Variants in TRMT1 observed in about 807,000 individuals in gnomAD.
TRMT1 encodes tRNA methyltransferase 1.
Under a neutral mutation model 75.4 loss-of-function variants are expected in TRMT1, and 63 were observed. The observed-to-expected ratio is 0.84, with a 90% confidence interval of 0.68 to 1.03. The LOEUF is 1.03. Among genes scored for constraint, TRMT1 ranks in the 50% least tolerant of loss-of-function variants. The probability of loss-of-function intolerance (pLI) is 0.00; values close to 1 mark genes in which losing one functional copy is unlikely to be tolerated. For missense variants in TRMT1, 870 were observed against 905.3 expected, an observed-to-expected ratio of 0.96 and a Z score of 0.50; for synonymous variants, 382 against 358.1, an observed-to-expected ratio of 1.07 and a Z score of -0.75.
chr19:13,111,703 T>C (rs2019148499), intron 7 of TRMT1, among the ~76,000 whole-genome samples: 1 of 147,804 alleles, frequency 6.8e-6, no homozygotes, highest in Non-Finnish European at 1.5e-5. Flanking sequence ...CGGCCTATTT[T>C]TTTTTCTTTT....
chr19:13,105,442 C>G lies in TRMT1; in HGVS notation c.1703+45G>C, dbSNP rs774154413. On this transcript the variant is annotated intron_variant, in intron 15 of 16. Coordinates refer to ENST00000357720, the MANE Select transcript of TRMT1 (RefSeq NM_001136035.4). ...GTGGGACCCCATCTGCCCTTTACCCCTTCTTTCCCTGGCTGAGCCCCACCC... is the reference window on the plus strand; with the variant it reads ...GTGGGACCCCATCTGCCCTTTACCCGTTCTTTCCCTGGCTGAGCCCCACCC... 3 of 1,613,910 alleles carry G rather than the reference C, an allele frequency of 1.9e-6. No homozygotes were observed. In the Admixed American group the frequency reaches 5.0e-5, roughly 27 times the overall value.
In TRMT1 at chr19:13,104,975, G is replaced by T; in HGVS notation, c.1940C>A (p.Pro647His). ...PDCPETSNQT[P>H]PGPGAAAGPG... ...CCCAGCGGCAGCCCCAGGTCCAGGGGGGGTCTGGTTGGAGGTCTCTGGACA... is the reference window on the plus strand; with the variant it reads ...CCCAGCGGCAGCCCCAGGTCCAGGGTGGGTCTGGTTGGAGGTCTCTGGACA... The change falls in exon 17 of 17, where the codon CCC becomes CAC. Residue 647 changes from proline (P) to histidine (H), a missense_variant. By Grantham distance (77) the Pro-to-His change is moderately conservative (BLOSUM62 -2). Coordinates refer to ENST00000357720, the MANE Select transcript of TRMT1 (RefSeq NM_001136035.4). 1.2e-6 allele frequency: 2 copies of T among 1,613,922 alleles called. No individual in the cohort carries two copies. Among genetic ancestry groups the T allele is most frequent in the Non-Finnish European group, 1.7e-6 (2 of 1,179,990 alleles).
chr19:13,107,585 A>G lies in TRMT1; in HGVS notation c.1572T>C (p.Ser524=). The change falls in exon 14 of 17, where the codon AGT becomes AGC. Residue 524 remains serine (S), a synonymous_variant. Transcript: ENST00000357720. ...GTGCTTGCCCCTACCTGGGCTCCACACTGAGAATGCGGAACGCTGGGCTAG... is the reference window on the plus strand; with the variant it reads ...GTGCTTGCCCCTACCTGGGCTCCACGCTGAGAATGCGGAACGCTGGGCTAG... ...SETSPAFRIL[S]VEPRLQANFT... 6.2e-7 allele frequency: 1 copy of G among 1,604,990 alleles called. No homozygotes were observed. Among genetic ancestry groups the G allele is most frequent in the Admixed American group, 1.7e-5 (1 of 59,358 alleles).
Position 13,109,813 on chromosome 19 carries a change from G to C in TRMT1, c.1132C>G (p.Pro378Ala). ...GRAKFSAACG[P>A]PVTPECEHCG... Reference sequence around the variant, plus strand: ...TGTTCACACTCGGGGGTCACAGGGGGACCACAGGCTGCAGAGAACTTGGCC... The same window carrying C: ...TGTTCACACTCGGGGGTCACAGGGGCACCACAGGCTGCAGAGAACTTGGCC... The change falls in exon 10 of 17, where the codon CCC becomes GCC. Residue 378 changes from proline to alanine, a missense_variant. Physicochemically the swap from Pro to Ala is conservative, Grantham distance 27. Coordinates refer to ENST00000357720, the MANE Select transcript of TRMT1 (RefSeq NM_001136035.4). 2 of 1,614,140 alleles carry C rather than the reference G, an allele frequency of 1.2e-6. No individual in the cohort carries two copies. Among genetic ancestry groups the C allele is most frequent in the Non-Finnish European group, 1.7e-6 (2 of 1,180,034 alleles).
rs752674785 is a variant in TRMT1 at position 13,105,084 on chromosome 19, G to A, written c.1834-3C>T. The A allele has an allele frequency of 6.3e-7, 1 of 1,580,322 alleles. No homozygotes were observed. Among genetic ancestry groups the A allele is most frequent in the African/African-American group, 1.3e-5 (1 of 74,384 alleles). ...TGGTCCCCGCGTTGACAGGTGCCCT[G>A]GTGGGAAGATGGTGGGTGTGAACCC... On this transcript the variant is annotated splice_polypyrimidine_tract_variant and splice_region_variant and intron_variant, in intron 16 of 16. Transcript: ENST00000357720.
At chr19:13,106,845 C>T (rs908775192) in intron 14 of TRMT1, among the ~76,000 whole-genome samples, 3 of 145,698 alleles carry the variant, frequency 2.1e-5, no homozygotes, top group Non-Finnish European at 3.0e-5. Flanking sequence ...TTATTTGAGA[C>T]GGAGTCTTAC....
intron 7 of TRMT1, 84 bp from the exon 8 acceptor site, chr19:13,110,390 G>A (rs2019096493): frequency 1.5e-5 from 21 of 1,440,398 alleles, no homozygotes; most frequent in Non-Finnish European, 1.8e-5. Flanking sequence ...ACAAGTACAG[G>A]CTCAGGGCCA....
At position 13,109,836 on chromosome 19, in the gene TRMT1, G is replaced by C; in HGVS notation, c.1109C>G (p.Ala370Gly). 6.2e-7 allele frequency: 1 copy of C among 1,614,088 alleles called. No homozygotes were observed. Among genetic ancestry groups the C allele is most frequent in the Non-Finnish European group, 8.5e-7 (1 of 1,180,026 alleles). The change falls in exon 10 of 17, where the codon GCC becomes GGC. Residue 370 changes from alanine to glycine, a missense_variant and splice_region_variant. By Grantham distance (60) the Ala-to-Gly change is moderately conservative (BLOSUM62 0). Coordinates refer to ENST00000357720, the MANE Select transcript of TRMT1 (RefSeq NM_001136035.4). ...GKASGVPSGR[A>G]KFSAACGPPV... is the part of the protein sequence containing the mutation. ...GGGACCACAGGCTGCAGAGAACTTG[G>C]CCCTAAACAGAGAGGGGTGGTTGGT...
chr19:13,115,162 T>C, intron 5 of TRMT1, 117 bp downstream of exon 5: 1 of 1,131,594 alleles, frequency 8.8e-7, no homozygotes, highest in Non-Finnish European at 1.2e-6. Flanking sequence ...ACAAGGAAAC[T>C]GGGGCTCAAA....
chr19:13,110,690 G>A (rs922275469), intron 7 of TRMT1, among the ~76,000 whole-genome samples: 5 of 152,218 alleles, frequency 3.3e-5, no homozygotes, highest in South Asian at 4.1e-4. Context: ...GGCCTGGGCC[G>A]GGCGTGGTGG....
intron 3 of TRMT1, 44 bp from the exon 4 acceptor site, chr19:13,115,812 C>T: frequency 6.2e-7 from 1 of 1,612,242 alleles, no homozygotes; most frequent in Non-Finnish European, 8.5e-7. Flanking sequence ...ACAAGGTCCC[C>T]TCTGAGAAAC....
rs2019198058 is a variant in TRMT1 at position 13,112,930 on chromosome 19, G to A, written c.723C>T (p.Phe241=). 6.2e-7 allele frequency: 1 copy of A among 1,613,746 alleles called. No homozygotes were observed. The highest frequency in any genetic ancestry group is 1.3e-5 in the African/African-American group (1 of 74,926). The part of the protein sequence containing the change: ...DLDPYGSPAT[F]LDAAVQAVSE... Reference sequence around the variant, plus strand: ...TCACAGCCTGCACAGCTGCATCCAGGAAGGTGGCTGGGCTGCCATAGGGGT... The same window carrying A: ...TCACAGCCTGCACAGCTGCATCCAGAAAGGTGGCTGGGCTGCCATAGGGGT... The change falls in exon 6 of 17, where the codon TTC becomes TTT. Residue 241 remains phenylalanine (F), a synonymous_variant. Coordinates refer to ENST00000357720, the MANE Select transcript of TRMT1 (RefSeq NM_001136035.4).
At chr19:13,110,824 C>T (rs1296799359) in intron 7 of TRMT1, among the ~76,000 whole-genome samples, 1 of 152,236 alleles carries the variant, frequency 6.6e-6, no homozygotes, top group East Asian at 1.9e-4. Flanking sequence ...GTGGCGGGCG[C>T]CTGTAATCCC....
chr19:13,113,139 C>T, intron 5 of TRMT1, 128 bp from the exon 6 acceptor site: 2 of 521,018 alleles, frequency 3.8e-6, no homozygotes, highest in South Asian at 7.7e-5. Context: ...AAGTTCAAGT[C>T]CTGGCTCAGT....
Position 13,116,644 on chromosome 19 carries a change from C to T in TRMT1, c.-33+9G>A, listed in dbSNP as rs1251242450. The stretch of plus-strand genomic sequence containing the variant: ...GAATCCCTCCCCGCGCTGCCTAGCC[C>T]GTCCTCACCTGCTCTCGTAGCCACA... On this transcript the variant is annotated intron_variant, in intron 1 of 16. Coordinates refer to ENST00000357720, the MANE Select transcript of TRMT1 (RefSeq NM_001136035.4). 7.1e-6 allele frequency: 4 copies of T among 561,864 alleles called. No homozygotes were observed. The highest frequency in any genetic ancestry group is 6.2e-6 in the Non-Finnish European group (2 of 320,278). The allele number at this position is 561,864 out of a possible 1,614,324, so 34.8% of individuals were successfully genotyped here. A position where few individuals can be genotyped will look rare whatever the true frequency, so the allele number is the denominator to read the frequency against.
chr19:13,108,894 G>A (rs1182842858), intron 12 of TRMT1, among the ~76,000 whole-genome samples: 3 of 150,672 alleles, frequency 2.0e-5, no homozygotes, highest in African/African-American at 7.3e-5. Flanking sequence ...ATAGGCATGA[G>A]CCAATAAGCC....
rs372315191 is a variant in TRMT1, at chr19:13,110,068, T to G, written c.1020-67A>C. ...CGACACCCCAACTCCTCCCTTAGAC[T>G]GGCTCTGTCCCTTAAGAAGCCCCAG... On this transcript the variant is annotated intron_variant, in intron 8 of 16. Coordinates refer to ENST00000357720, the MANE Select transcript of TRMT1 (RefSeq NM_001136035.4). 9.4e-5 allele frequency: 152 copies of G among 1,611,402 alleles called. 1 individual carries two copies. In the African/African-American group the frequency reaches 1.8e-3, roughly 19 times the overall value.
chr19:13,110,355 C>G (rs754275000), intron 7 of TRMT1, 49 bp from the exon 8 acceptor site: 1 of 1,533,766 alleles, frequency 6.5e-7, no homozygotes, highest in South Asian at 1.2e-5. Context: ...TCCACCCACC[C>G]CACCAGGAGC....
chr19:13,109,307 A>C, intron 12 of TRMT1, 74 bp downstream of exon 12: 1 of 1,555,032 alleles, frequency 6.4e-7, no homozygotes, highest in Non-Finnish European at 8.8e-7. Flanking sequence ...AGTTCTATGC[A>C]TGAGAATCCC....
Sources: allele counts gnomAD v4.1 joint callset (sites outside exome capture counted in the v4.1 genomes callset), GRCh38; gene constraint gnomAD v4.1.1; transcripts MANE v1.5; gene names NCBI Gene and HGNC (gene_info 2026-07-23, HGNC 2026-07-21).